Variants in IGF2R observed in about 807,000 individuals in gnomAD.
IGF2R encodes insulin like growth factor 2 receptor.
In IGF2R, 91 loss-of-function variants were observed where a neutral mutation model predicts 270.6. That is an observed-to-expected ratio of 0.34 (90% CI 0.28 to 0.40). IGF2R has a LOEUF of 0.40. Ranked by LOEUF, IGF2R falls within the 10% of genes least tolerant of loss-of-function variation. The probability of loss-of-function intolerance (pLI) is 1.00; values close to 1 mark genes in which losing one functional copy is unlikely to be tolerated. For synonymous variants in IGF2R, 1,316 were observed against 1,258.9 expected, an observed-to-expected ratio of 1.05 and a Z score of -0.96; for missense variants, 2,805 against 3,188.3, an observed-to-expected ratio of 0.88 and a Z score of 2.90.
At chr6:160,078,924 G>A (rs575316262) in intron 37 of IGF2R, among the ~76,000 whole-genome samples, 84 of 152,252 alleles carry the variant, frequency 5.5e-4, no homozygotes, top group African/African-American at 1.8e-3. Flanking sequence ...ATGTGGTGTC[G>A]TGGTCACTGG....
At position 160,075,997 on chromosome 6, in the gene IGF2R, G is replaced by A; in HGVS notation, c.5316+1G>A. Reference sequence around the variant, plus strand: ...TCACTGTAAGAGAGGTGTGAGCATGGTAAGTGTGGGCCTGTGACGATCTAG... The same window carrying A: ...TCACTGTAAGAGAGGTGTGAGCATGATAAGTGTGGGCCTGTGACGATCTAG... On this transcript the variant is annotated splice_donor_variant, in intron 36 of 47. Transcript: ENST00000356956. LOFTEE classifies it high-confidence loss of function. The A allele has an allele frequency of 6.2e-7, 1 of 1,614,070 alleles. No individual in the cohort carries two copies. The highest frequency in any genetic ancestry group is 8.5e-7 in the Non-Finnish European group (1 of 1,179,962).
chr6:160,014,273 G>A (rs1014784612), intron 4 of IGF2R, among the ~76,000 whole-genome samples: 6 of 152,206 alleles, frequency 3.9e-5, no homozygotes, highest in African/African-American at 1.4e-4. Context: ...ATATAAAACA[G>A]CATTAACTCA....
Position 160,056,427 on chromosome 6 carries a change from A to T in IGF2R, c.2698A>T (p.Ser900Cys), listed in dbSNP as rs1778318556. 7.4e-6 allele frequency: 12 copies of T among 1,611,842 alleles called. No individual in the cohort carries two copies. In the East Asian group the frequency reaches 2.7e-4, roughly 36 times the overall value. The change falls in exon 20 of 48, where the codon AGC (serine) becomes TGC (cysteine). Residue 900 changes from serine (S) to cysteine (C), a missense_variant. Ser to Cys is a moderately radical substitution (Grantham distance 112). This residue lies in a region of IGF2R where 1,851 missense variants were observed against 2,207.2 expected (regional missense o/e 0.84). Transcript: ENST00000356956. Reference protein sequence around the residue: ...HLVCSRGRLNSHPIFSLNWEC... With the variant: ...HLVCSRGRLNCHPIFSLNWEC... ...TACCCTGGATTTGCCCATTCAGAACAGCCACCCCATCTTTTCTCTCAACTG... is the reference window on the plus strand; with the variant it reads ...TACCCTGGATTTGCCCATTCAGAACTGCCACCCCATCTTTTCTCTCAACTG...
intron 35 of IGF2R, among the ~76,000 whole-genome samples, chr6:160,074,896 C>T (rs1480004711): frequency 1.3e-5 from 2 of 152,222 alleles, no homozygotes; most frequent in Non-Finnish European, 2.9e-5. Context: ...CCCCAGGAAG[C>T]TCTTTGGTAG....
At chr6:160,065,814 G>GTGTGTATGTATATATATA in intron 29 of IGF2R, among the ~76,000 whole-genome samples, 5 of 78,394 alleles carry the variant, frequency 6.4e-5, no homozygotes, top group Non-Finnish European at 7.0e-5. Flanking sequence ...GTGTGTGTGT[G>GTGTGTATGTATATATATA]TATATATATA....
intron 45 of IGF2R, among the ~76,000 whole-genome samples, chr6:160,097,230 C>T (rs759951420): frequency 3.9e-5 from 6 of 152,220 alleles, no homozygotes; most frequent in African/African-American, 1.2e-4. Flanking sequence ...GTCCCACAGC[C>T]GTTTTATACT....
In IGF2R at chr6:160,059,243, G is replaced by A. The variant is rs1193342239; in HGVS notation, c.3091+145G>A. 1.2e-5 allele frequency: 8 copies of A among 643,624 alleles called. No individual in the cohort carries two copies. In the African/African-American group the frequency reaches 1.4e-4, roughly 12 times the overall value. 39.9% of individuals were successfully genotyped at this position (643,624 alleles called of 1,614,324 possible). ...ACCTTGCTGCAGGAGCCATCACGGT[G>A]GTCTTCCTGCGTTTGACCTCGCAGA... On this transcript the variant is annotated intron_variant, in intron 22 of 47. Transcript: ENST00000356956.
chr6:160,079,833 C>T, intron 38 of IGF2R, 46 bp downstream of exon 38: 1 of 1,423,050 alleles, frequency 7.0e-7, no homozygotes, highest in Non-Finnish European at 9.4e-7. Flanking sequence ...TCATAGTAAA[C>T]TAGAAATTAG....
intron 4 of IGF2R, among the ~76,000 whole-genome samples, chr6:160,012,428 C>T (rs1480837964): frequency 6.6e-6 from 1 of 152,068 alleles, no homozygotes; most frequent in African/African-American, 2.4e-5. Flanking sequence ...AGAATGGCAG[C>T]ATCTGCATCT....
At chr6:160,101,216 T>C (rs940474602) in intron 45 of IGF2R, among the ~76,000 whole-genome samples, 38 of 152,236 alleles carry the variant, frequency 2.5e-4, no homozygotes, top group African/African-American at 8.0e-4. Flanking sequence ...CTGAATAATC[T>C]ATGGTCCAAA....
At chr6:160,035,752 A>AG (rs1777806080) in intron 10 of IGF2R, among the ~76,000 whole-genome samples, 3 of 152,178 alleles carry the variant, frequency 2.0e-5, no homozygotes, top group Admixed American at 2.0e-4. Flanking sequence ...CTAGCAGCAG[A>AG]GAGAGATAAG....
chr6:160,049,566 C>G (rs1190650559), intron 18 of IGF2R, among the ~76,000 whole-genome samples: 1 of 152,186 alleles, frequency 6.6e-6, no homozygotes, highest in African/African-American at 2.4e-5. Flanking sequence ...CTCAGAGATG[C>G]TCCAGAGCTG....
chr6:160,074,797 A>G (rs1778820004), intron 35 of IGF2R, among the ~76,000 whole-genome samples: 1 of 152,138 alleles, frequency 6.6e-6, no homozygotes, highest in Admixed American at 6.5e-5. Context: ...ATATGGGGAG[A>G]TGTCAGGAGT....
intron 19 of IGF2R, among the ~76,000 whole-genome samples, chr6:160,055,070 C>G (rs1312730209): frequency 1.3e-5 from 2 of 152,158 alleles, no homozygotes; most frequent in African/African-American, 4.8e-5. Flanking sequence ...TTGGCCCATG[C>G]TCTCTGCGGG....
chr6:159,983,086 T>C (rs947865329), intron 1 of IGF2R, among the ~76,000 whole-genome samples: 4 of 152,236 alleles, frequency 2.6e-5, no homozygotes, highest in African/African-American at 9.6e-5. Context: ...TTTTCATTTT[T>C]GGACAGACAT....
At position 160,050,655 on chromosome 6, in the gene IGF2R, A is replaced by G; in HGVS notation, c.2694+3A>G. 1 of 1,596,364 alleles carries G rather than the reference A, an allele frequency of 6.3e-7. No homozygotes were observed. Among genetic ancestry groups the G allele is most frequent in the East Asian group, 2.3e-5 (1 of 44,382 alleles). On this transcript the variant is annotated splice_donor_region_variant and intron_variant, in intron 19 of 47. Coordinates refer to ENST00000356956, the MANE Select transcript of IGF2R (RefSeq NM_000876.4). The surrounding 1 kb of genome is among the most constrained non-coding windows in gnomAD (Gnocchi z 4.0). ...TCGTCTGCTCCAGGGGCAGGCTGGT[A>G]AGGCACTGCTGCTGGCTGGTGACCT... is the stretch of plus-strand genomic sequence containing the variant.
chr6:160,002,012 A>G (rs778695421), intron 2 of IGF2R, among the ~76,000 whole-genome samples: 1 of 152,222 alleles, frequency 6.6e-6, no homozygotes, highest in Non-Finnish European at 1.5e-5. Flanking sequence ...CCAGAAACAT[A>G]AATAGTCGAT....
chr6:160,060,745 AGGCC>A (rs758687500), intron 23 of IGF2R, 28 bp downstream of exon 23: 1 of 1,611,944 alleles, frequency 6.2e-7, no homozygotes, highest in Non-Finnish European at 8.5e-7. Context: ...AAGAACTGAG[AGGCC>A]GGTCAAGAGT....
intron 1 of IGF2R, among the ~76,000 whole-genome samples, chr6:159,980,703 C>T (rs1222807640): frequency 6.6e-6 from 1 of 152,000 alleles, no homozygotes; most frequent in Non-Finnish European, 1.5e-5. Flanking sequence ...GCCCACCTTC[C>T]CTTGTAGTTT....
Sources: allele counts gnomAD v4.1 joint callset (sites outside exome capture counted in the v4.1 genomes callset), GRCh38; gene constraint gnomAD v4.1.1; regional missense constraint gnomAD v4.1.1; non-coding constraint Gnocchi (gnomAD v3.1); transcripts MANE v1.5; gene names NCBI Gene and HGNC (gene_info 2026-07-23, HGNC 2026-07-21).